The following SPTBN5 variants were observed in gnomAD, a reference collection of about 807,000 sequenced individuals.
SPTBN5 encodes spectrin beta chain, non-erythrocytic 5.
In SPTBN5, 513 loss-of-function variants were observed where a neutral mutation model predicts 477.6. The ratio of observed to expected loss-of-function variants is 1.07; its 90% confidence interval spans 1.00 to 1.16. The LOEUF (loss-of-function observed/expected upper bound fraction) is 1.16. Ranked by LOEUF, SPTBN5 falls within the 50% of genes most tolerant of loss-of-function variation. The pLI is 0.00. For missense variants in SPTBN5, 5,062 were observed against 4,731.8 expected (o/e 1.07, Z -2.05); for synonymous variants, 2,169 against 2,011.7 (o/e 1.08, Z -2.09).
At position 41,851,782 on chromosome 15, in the gene SPTBN5, C is replaced by T. The variant is rs1360246136; in HGVS notation, c.10653G>A (p.Arg3551=). 2.5e-6 allele frequency: 4 copies of T among 1,609,330 alleles called. No individual in the cohort carries two copies. The highest frequency in any genetic ancestry group is 2.2e-5 in the East Asian group (1 of 44,844). ...GAAGGAATCTCCAGGCACTCACCTG[C>T]CTCCCGCCAGGCAGCAGGTGCTGCT... ...EFKQHLLPGG[R]QPSSSSWDSC... The change falls in exon 63 of 68, where the codon AGG becomes AGA. Residue 3551 remains arginine (R), a synonymous_variant. Transcript: ENST00000320955.
Position 41,893,034 on chromosome 15 carries a change from T to C in SPTBN5, c.244A>G (p.Thr82Ala). 1 of 1,611,476 alleles carries C rather than the reference T, an allele frequency of 6.2e-7. No individual in the cohort carries two copies. Among genetic ancestry groups the C allele is most frequent in the Non-Finnish European group, 8.5e-7 (1 of 1,179,800 alleles). Residue 82 changes from threonine (T) to alanine (A), a missense_variant, in exon 3 of 68, where the codon ACA (threonine) becomes GCA (alanine). Coordinates refer to ENST00000320955, the MANE Select transcript of SPTBN5 (RefSeq NM_016642.4). ...AGGTGGATGCCGTCAGCCAGCTCTG[T>C]GTACAGGTTCCGGATCTTGATGCCC... ...QAGIKIRNLY[T>A]ELADGIHLLR...
chr15:41,871,606 C>T (rs2066538969), intron 28 of SPTBN5, 86 bp from the exon 29 acceptor site: 2 of 1,416,146 alleles, frequency 1.4e-6, no homozygotes, highest in Non-Finnish European at 1.9e-6. Context: ...CAGTGCCCAA[C>T]TGGGTGATGT....
At chr15:41,876,404 C>T in intron 20 of SPTBN5, 120 bp from the exon 21 acceptor site, 2 of 1,372,088 alleles carry the variant, frequency 1.5e-6, no homozygotes, top group Non-Finnish European at 2.0e-6. Context: ...AAAACCTGAG[C>T]TGTGTTGCCT....
In SPTBN5 at chr15:41,865,113, TA is replaced by T. The variant is rs530229024; in HGVS notation, c.6918+694del. The stretch of plus-strand genomic sequence containing the variant: ...CCTCTTAAAAAGTAATACATACATG[TA>T]CCGGGGGACAAGGTTAGCACATTTG... On this transcript the variant is annotated intron_variant, in intron 39 of 67. Transcript: ENST00000320955. Among the ~76,000 whole-genome samples the T allele has an allele frequency of 4.0e-3, 612 of 152,332 alleles. 2 individuals are homozygous for T. Among genetic ancestry groups the T allele is most frequent in the South Asian group, 7.7e-3 (37 of 4,830 alleles).
chr15:41,863,356 C>G (rs965771047), intron 41 of SPTBN5, among the ~76,000 whole-genome samples: 2 of 152,194 alleles, frequency 1.3e-5, no homozygotes, highest in Non-Finnish European at 2.9e-5. Flanking sequence ...TGTACACAGT[C>G]CCAGGGCAAA....
intron 55 of SPTBN5, 120 bp downstream of exon 55, chr15:41,855,104 C>T: frequency 5.6e-6 from 8 of 1,423,088 alleles, no homozygotes; most frequent in Non-Finnish European, 6.6e-6. Flanking sequence ...CATCGGGATC[C>T]TCCCTAGGAC....
intron 57 of SPTBN5, 42 bp downstream of exon 57, chr15:41,854,000 CGCCTTCGG>C (rs1438544092): frequency 1.3e-6 from 2 of 1,517,026 alleles, no homozygotes; most frequent in Non-Finnish European, 1.8e-6. Flanking sequence ...CCTCAGCCAC[CGCCTTCGG>C]GCAGGGGCTC....
Position 41,885,825 on chromosome 15 carries a change from A to C in SPTBN5, c.1430T>G (p.Leu477Arg). ...GGCCTGGAAGCGCCCCTCCTGGGGC[A>C]GGATGCCAGCCTCCAGCATGCCCAG... Reference protein sequence around the residue: ...QRLGMLEAGILPQEGRFQALA... With the variant: ...QRLGMLEAGIRPQEGRFQALA... Residue 477 changes from leucine (L) to arginine (R), a missense_variant, in exon 7 of 68, where the codon CTG becomes CGG. Leu to Arg is a moderately radical substitution (Grantham distance 102, BLOSUM62 -2). Coordinates refer to ENST00000320955, the MANE Select transcript of SPTBN5 (RefSeq NM_016642.4). 1 of 1,559,200 alleles carries C rather than the reference A, an allele frequency of 6.4e-7. No homozygotes were observed. Among genetic ancestry groups the C allele is most frequent in the Non-Finnish European group, 8.7e-7 (1 of 1,151,878 alleles).
chr15:41,868,334 C>G (rs1255397659), intron 33 of SPTBN5, 64 bp downstream of exon 33: 3 of 1,565,540 alleles, frequency 1.9e-6, no homozygotes, highest in African/African-American at 2.7e-5. Context: ...GGACGGGGCA[C>G]CAGGTGGCCA....
chr15:41,848,736 G>A (rs1320481294), intron 67 of SPTBN5, 108 bp from the exon 68 acceptor site: 12 of 1,308,244 alleles, frequency 9.2e-6, no homozygotes, highest in African/African-American at 2.9e-5. Context: ...CAGCCTCCTA[G>A]AATAAGCGTG....
chr15:41,850,674 G>A, intron 66 of SPTBN5, 180 bp downstream of exon 66: 1 of 610,606 alleles, frequency 1.6e-6, no homozygotes, highest in Non-Finnish European at 2.8e-6. Flanking sequence ...TGTGATCTTG[G>A]GCAAGTTGCG....
chr15:41,856,509 G>A lies in SPTBN5; in HGVS notation c.8898C>T (p.Ala2966=), dbSNP rs376838823. 241 of 1,600,070 alleles carry A rather than the reference G, an allele frequency of 1.5e-4. 1 individual carries two copies. In the African/African-American group the frequency reaches 2.4e-3, roughly 16 times the overall value. ...GCACCCGGGCGGCCACCTCGTGGGCGGCAAAGTGCCCAGCCTGCACCAGCT... is the reference window on the plus strand; with the variant it reads ...GCACCCGGGCGGCCACCTCGTGGGCAGCAAAGTGCCCAGCCTGCACCAGCT... ...GYKLVQAGHF[A]AHEVAARVQQ... The change falls in exon 53 of 68, where the codon GCC becomes GCT. Residue 2966 remains alanine (A), a synonymous_variant. Coordinates refer to ENST00000320955, the MANE Select transcript of SPTBN5 (RefSeq NM_016642.4).
rs567368483 is a variant in SPTBN5, at chr15:41,849,861, T to G, written c.11012+8A>C. 2.6e-6 allele frequency: 4 copies of G among 1,563,156 alleles called. No homozygotes were observed. In the Admixed American group the frequency reaches 7.6e-5, roughly 30 times the overall value. On this transcript the variant is annotated splice_region_variant and intron_variant, in intron 67 of 67. Coordinates refer to ENST00000320955, the MANE Select transcript of SPTBN5 (RefSeq NM_016642.4). ...CCCCGCCCTGCTTCCCCCACCCAGG[T>G]GTCCCACCTGAGTAGACATCCAGGC...
intron 27 of SPTBN5, 51 bp from the exon 28 acceptor site, chr15:41,871,968 G>T: frequency 1.4e-6 from 2 of 1,465,452 alleles, no homozygotes; most frequent in East Asian, 2.5e-5. Flanking sequence ...ACCCCCCTGG[G>T]GGCCAGTCGG....
chr15:41,858,706 C>T lies in SPTBN5; in HGVS notation c.8122G>A (p.Glu2708Lys). Reference protein sequence around the residue: ...LREKNLVALEEGLLDTAMLPA... With the variant: ...LREKNLVALEKGLLDTAMLPA... ...AGCATGGCTGTGTCCAGCAAACCCT[C>T]CTCCAAGGCCACCAGGTTCTTCTCC... Residue 2708 changes from glutamate to lysine, a missense_variant, in exon 49 of 68, where the codon GAG (glutamate) becomes AAG (lysine). Transcript: ENST00000320955. 6.2e-7 allele frequency: 1 copy of T among 1,609,968 alleles called. No homozygotes were observed. Among genetic ancestry groups the T allele is most frequent in the Non-Finnish European group, 8.5e-7 (1 of 1,178,756 alleles).
chr15:41,861,427 C>G lies in SPTBN5; in HGVS notation c.7807G>C (p.Gly2603Arg). ...CSKEDSLASE[G>R]LWDPLAPMEP... ...TCCTGCTGGGCACCTACCCATAGAC[C>G]CTCACTGGCTAGGGAGTCTTCCTTG... The change falls in exon 46 of 68, where the codon GGT (glycine) becomes CGT (arginine). Residue 2603 changes from glycine (G) to arginine (R), a missense_variant. Gly to Arg is a moderately radical substitution (Grantham distance 125, BLOSUM62 -2). Transcript: ENST00000320955. 6.2e-7 allele frequency: 1 copy of G among 1,613,288 alleles called. No individual in the cohort carries two copies.
chr15:41,879,368 G>T lies in SPTBN5; in HGVS notation c.3074C>A (p.Ala1025Asp). ...GTCCTCTGAGCTCCCTGGCTGCAGGGCCTCCAGCTGGAGGAGCACGTCTCG... is the reference window on the plus strand; with the variant it reads ...GTCCTCTGAGCTCCCTGGCTGCAGGTCCTCCAGCTGGAGGAGCACGTCTCG... ...QLRDVLLQLE[A>D]LQPGSSEDTC... Residue 1025 changes from alanine (A) to aspartate (D), a missense_variant, in exon 16 of 68, where the codon GCC (alanine) becomes GAC (aspartate). Coordinates refer to ENST00000320955, the MANE Select transcript of SPTBN5 (RefSeq NM_016642.4). 1 of 1,610,266 alleles carries T rather than the reference G, an allele frequency of 6.2e-7. No homozygotes were observed.
Position 41,851,271 on chromosome 15 carries a change from C to T in SPTBN5, c.10743+12G>A, listed in dbSNP as rs926263330. 5 of 1,551,434 alleles carry T rather than the reference C, an allele frequency of 3.2e-6. No homozygotes were observed. The highest frequency in any genetic ancestry group is 4.4e-6 in the Non-Finnish European group (5 of 1,147,192). On this transcript the variant is annotated intron_variant, in intron 64 of 67. Coordinates refer to ENST00000320955, the MANE Select transcript of SPTBN5 (RefSeq NM_016642.4). Reference sequence around the variant, plus strand: ...ACCCTGATGTCTGCATCTCCCCTACCCCGCCTGGTACCTCCGCTGCCATCC... The same window carrying T: ...ACCCTGATGTCTGCATCTCCCCTACTCCGCCTGGTACCTCCGCTGCCATCC...
Position 41,852,669 on chromosome 15 carries a change from G to C in SPTBN5, c.10414C>G (p.Gln3472Glu), listed in dbSNP as rs775461896. 3 of 1,613,514 alleles carry C rather than the reference G, an allele frequency of 1.9e-6. No individual in the cohort carries two copies. The highest frequency in any genetic ancestry group is 2.5e-6 in the Non-Finnish European group (3 of 1,179,896). The change falls in exon 61 of 68, where the codon CAG becomes GAG. Residue 3472 changes from glutamine to glutamate, a missense_variant. Gln to Glu is a conservative substitution (Grantham distance 29, BLOSUM62 2). Coordinates refer to ENST00000320955, the MANE Select transcript of SPTBN5 (RefSeq NM_016642.4). The stretch of plus-strand genomic sequence containing the variant: ...TGCATTTGGGCAAACTTCTCTTCCT[G>C]GGCTGCCAGCAGCTTTTCTAAGTCC... Reference protein sequence around the residue: ...HQDLEKLLAAQEEKFAQMQKT... With the variant: ...HQDLEKLLAAEEEKFAQMQKT...
Sources: gnomAD v4.1 joint callset for allele counts (sites outside exome capture counted in the v4.1 genomes callset) on GRCh38, gnomAD v4.1.1 for gene constraint, MANE v1.5 for transcripts, NCBI Gene and HGNC (gene_info 2026-07-23, HGNC 2026-07-21) for gene names.